The following GBE1 variants were observed in gnomAD, a reference collection of about 807,000 sequenced individuals.
GBE1 encodes 1,4-alpha-glucan branching enzyme 1, also known as 1,4-alpha-glucan-branching enzyme.
A neutral mutation model predicts 88.8 loss-of-function variants in GBE1; 70 were observed. The ratio of observed to expected loss-of-function variants is 0.79; its 90% CI spans 0.65 to 0.96. GBE1 has a LOEUF of 0.96. GBE1 is among the 40% of genes least tolerant of loss of function. The pLI is 0.00. For missense variants in GBE1, 872 were observed against 871.0 expected, an observed-to-expected ratio of 1.00 and a Z score of -0.01; for synonymous variants, 284 against 300.1, an observed-to-expected ratio of 0.95 and a Z score of 0.56.
At chr3:81,691,462 AT>A (rs1324833831) in intron 2 of GBE1, among the ~76,000 whole-genome samples, 2 of 152,104 alleles carry the variant, frequency 1.3e-5, no homozygotes, top group African/African-American at 2.4e-5. Flanking sequence ...CATAAAAAAA[AT>A]AATAAAGTTT....
Position 81,562,045 on chromosome 3 carries a change from C to T in GBE1, c.1618+15880G>A, listed in dbSNP as rs1312403552. Among the ~76,000 whole-genome samples the T allele has an allele frequency of 2.6e-5, 4 of 152,006 alleles. No homozygotes were observed. The South Asian group carries it at 6.2e-4, about 24-fold the overall frequency. On this transcript the variant is annotated intron_variant, in intron 12 of 15. Transcript: ENST00000429644. ...AGATCTTGAAGGTGAAATTTATTAC[C>T]GAACACACTCGCATCTGTCTTGCTT...
intron 12 of GBE1, among the ~76,000 whole-genome samples, chr3:81,555,403 C>T (rs1034576617): frequency 2.6e-5 from 4 of 152,108 alleles, no homozygotes; most frequent in South Asian, 2.1e-4. Flanking sequence ...TGTACATCTA[C>T]AGGAGACAAA....
chr3:81,523,088 T>C (rs905322459), intron 14 of GBE1, among the ~76,000 whole-genome samples: 1 of 151,372 alleles, frequency 6.6e-6, no homozygotes, highest in African/African-American at 2.4e-5. Flanking sequence ...AGTGTAATTC[T>C]GTGTCAGTAT....
At chr3:81,597,310 T>C (rs1703968930) in intron 7 of GBE1, among the ~76,000 whole-genome samples, 1 of 151,586 alleles carries the variant, frequency 6.6e-6, no homozygotes, top group Non-Finnish European at 1.5e-5. Flanking sequence ...GGACTTAGAT[T>C]ACTCCATTGG....
chr3:81,549,088 T>C (rs1303948767), intron 12 of GBE1, among the ~76,000 whole-genome samples: 2 of 146,742 alleles, frequency 1.4e-5, no homozygotes. Context: ...TAGAGTGCAG[T>C]GGTGTGATCT....
At chr3:81,531,545 G>T (rs13063700) in intron 14 of GBE1, among the ~76,000 whole-genome samples, 42,981 of 151,702 alleles carry the variant, frequency 0.28, 6,241 homozygotes, top group East Asian at 0.44. Flanking sequence ...ATTAATTAAA[G>T]AATCCTGCCA....
chr3:81,523,413 C>A (rs911614131), intron 14 of GBE1, among the ~76,000 whole-genome samples: 1 of 151,336 alleles, frequency 6.6e-6, no homozygotes, highest in African/African-American at 2.4e-5. Flanking sequence ...TATTTTGATA[C>A]AGGATACAAT....
chr3:81,513,568 C>CAAA (rs900831748), intron 14 of GBE1, among the ~76,000 whole-genome samples: 1 of 135,492 alleles, frequency 7.4e-6, no homozygotes, highest in African/African-American at 2.7e-5. Flanking sequence ...TTTGTTCCCC[C>CAAA]AAAAAAAAAA....
chr3:81,706,478 G>T (rs1179968300), intron 1 of GBE1, among the ~76,000 whole-genome samples: 2 of 152,148 alleles, frequency 1.3e-5, no homozygotes, highest in African/African-American at 4.8e-5. Flanking sequence ...AACTGGAGAA[G>T]TAAACCATGT....
chr3:81,643,073 G>A (rs1263317862), intron 6 of GBE1, 83 bp from the exon 7 acceptor site: 8 of 884,212 alleles, frequency 9.0e-6, no homozygotes, highest in African/African-American at 1.7e-5. Flanking sequence ...TTTCACCATC[G>A]CAGTACTAGA....
At chr3:81,756,766 G>A (rs943693771) in intron 1 of GBE1, among the ~76,000 whole-genome samples, 11 of 152,182 alleles carry the variant, frequency 7.2e-5, no homozygotes, top group Non-Finnish European at 1.6e-4. Context: ...TGCTTAGGCA[G>A]AAGCAATAGC....
At chr3:81,705,310 G>T in intron 2 of GBE1, 134 bp downstream of exon 2, 1 of 637,800 alleles carries the variant, frequency 1.6e-6, no homozygotes, top group African/African-American at 1.9e-5. Context: ...AAATTCTAAG[G>T]CTCTATCTGA....
intron 1 of GBE1, among the ~76,000 whole-genome samples, chr3:81,707,142 G>C (rs2107171032): frequency 1.3e-5 from 2 of 152,074 alleles, no homozygotes; most frequent in South Asian, 4.1e-4. Flanking sequence ...TTTAAGAAAG[G>C]TTTGGGAAAC....
chr3:81,751,014 A>G (rs1706522353), intron 1 of GBE1, among the ~76,000 whole-genome samples: 1 of 151,918 alleles, frequency 6.6e-6, no homozygotes, highest in Non-Finnish European at 1.5e-5. Context: ...CATGAAATTA[A>G]AAAAAGAAGA....
At chr3:81,736,655 G>T (rs1374655412) in intron 1 of GBE1, among the ~76,000 whole-genome samples, 1 of 152,158 alleles carries the variant, frequency 6.6e-6, no homozygotes, top group Non-Finnish European at 1.5e-5. Flanking sequence ...AGCACTAAGA[G>T]AATAGTATCC....
intron 7 of GBE1, among the ~76,000 whole-genome samples, chr3:81,638,959 G>C (rs1704631174): frequency 6.6e-6 from 1 of 152,138 alleles, no homozygotes; most frequent in Non-Finnish European, 1.5e-5. Flanking sequence ...AGTTTTCAAA[G>C]AAGAGGCTTA....
chr3:81,652,984 T>C (rs1704872634), intron 3 of GBE1, among the ~76,000 whole-genome samples: 1 of 152,220 alleles, frequency 6.6e-6, no homozygotes, highest in African/African-American at 2.4e-5. Context: ...AATGTCAGCA[T>C]GCTATGGAGC....
intron 7 of GBE1, among the ~76,000 whole-genome samples, chr3:81,599,242 C>T (rs1474432376): frequency 6.6e-6 from 1 of 152,030 alleles, no homozygotes; most frequent in African/African-American, 2.4e-5. Context: ...TGGTTATCTG[C>T]CACGTAAGAT....
intron 12 of GBE1, among the ~76,000 whole-genome samples, chr3:81,547,375 C>T: frequency 6.6e-6 from 1 of 151,550 alleles, no homozygotes; most frequent in East Asian, 1.9e-4. Flanking sequence ...TTGGAGTAAT[C>T]TGCTTTGCAG....
Sources: allele counts gnomAD v4.1 joint callset (sites outside exome capture counted in the v4.1 genomes callset), GRCh38; gene constraint gnomAD v4.1.1; transcripts MANE v1.5; gene names NCBI Gene and HGNC (gene_info 2026-07-23, HGNC 2026-07-21).